ANKS6: variants seen among roughly 807,000 people sequenced by gnomAD.
The protein encoded by ANKS6 is ankyrin repeat and sterile alpha motif domain containing 6.
A neutral mutation model predicts 77.9 loss-of-function variants in ANKS6; 47 were observed. The observed-to-expected ratio is 0.60, with a 90% CI of 0.48 to 0.77. The LOEUF (loss-of-function observed/expected upper bound fraction) is 0.77. ANKS6 is among the 30% of genes least tolerant of loss of function. The pLI is 0.00. For missense variants in ANKS6, 1,150 were observed against 1,159.1 expected (o/e 0.99, Z 0.11); for synonymous variants, 488 against 501.7 (o/e 0.97, Z 0.37).
chr9:98,756,953 A>G, intron 11 of ANKS6, among the ~76,000 whole-genome samples: 1 of 151,896 alleles, frequency 6.6e-6, no homozygotes. Context: ...GCCTCAGTTA[A>G]CCAGCTGTAA....
At chr9:98,796,009 AC>A in intron 1 of ANKS6, 123 bp downstream of exon 1, 1 of 935,406 alleles carries the variant, frequency 1.1e-6, no homozygotes, top group Non-Finnish European at 1.4e-6. Flanking sequence ...CTCAAAGTTT[AC>A]CATTCCAACT....
intron 9 of ANKS6, among the ~76,000 whole-genome samples, 163 bp downstream of exon 9, chr9:98,773,714 T>C (rs779714171): frequency 2.6e-5 from 4 of 152,156 alleles, no homozygotes; most frequent in Non-Finnish European, 4.4e-5. Context: ...CATACTGAGT[T>C]GCTCTGTAGG....
intron 8 of ANKS6, among the ~76,000 whole-genome samples, chr9:98,774,959 C>T (rs1833847911): frequency 6.6e-6 from 1 of 152,232 alleles, no homozygotes; most frequent in African/African-American, 2.4e-5. Context: ...CCGGGCCACC[C>T]CACCCATTAT....
chr9:98,749,748 G>C (rs1361161433), intron 13 of ANKS6, among the ~76,000 whole-genome samples: 1 of 152,226 alleles, frequency 6.6e-6, no homozygotes, highest in African/African-American at 2.4e-5. Context: ...AGGAATGGCA[G>C]ACTGTATATG....
At chr9:98,764,001 C>T (rs973424057) in intron 11 of ANKS6, among the ~76,000 whole-genome samples, 27 of 152,052 alleles carry the variant, frequency 1.8e-4, no homozygotes, top group Admixed American at 6.6e-5. Context: ...AAAGAGAAAA[C>T]GGCAGGCCCA....
chr9:98,781,893 C>A lies in ANKS6; in HGVS notation c.1219+574G>T, dbSNP rs373333611. 2.4e-4 allele frequency among the ~76,000 whole-genome samples: 36 copies of A among 152,282 alleles called. 1 individual carries two copies. In the South Asian group the frequency reaches 7.5e-3, roughly 32 times the overall value. On this transcript the variant is annotated intron_variant, in intron 5 of 14. Coordinates refer to ENST00000353234, the MANE Select transcript of ANKS6 (RefSeq NM_173551.5). Reference sequence around the variant, plus strand: ...ATAAGAAAGACGACAGATCAGAGACCTTTCCCCTTGAGCTGGCTAACTGGA... The same window carrying A: ...ATAAGAAAGACGACAGATCAGAGACATTTCCCCTTGAGCTGGCTAACTGGA...
chr9:98,771,076 G>C (rs771923965), intron 9 of ANKS6, 30 bp from the exon 10 acceptor site: 1 of 1,481,300 alleles, frequency 6.8e-7, no homozygotes. Flanking sequence ...GCAGCACTTA[G>C]GGAGGCTGCT....
At chr9:98,767,945 C>T (rs1015197624) in intron 11 of ANKS6, 136 bp downstream of exon 11, 3 of 1,246,508 alleles carry the variant, frequency 2.4e-6, no homozygotes, top group Admixed American at 2.6e-5. Context: ...TCATGCAGCC[C>T]AGGAGTGGCT....
Position 98,768,077 on chromosome 9 carries a change from G to A in ANKS6, c.2142+4C>T. ...AACAGGAGGAGGCCACACAAAACAAGCACCTTGCCAACAGGAGCGCTGCCA... is the reference window on the plus strand; with the variant it reads ...AACAGGAGGAGGCCACACAAAACAAACACCTTGCCAACAGGAGCGCTGCCA... On this transcript the variant is annotated splice_donor_region_variant and intron_variant, in intron 11 of 14. Coordinates refer to ENST00000353234, the MANE Select transcript of ANKS6 (RefSeq NM_173551.5). 2 of 1,603,302 alleles carry A rather than the reference G, an allele frequency of 1.2e-6. No individual in the cohort carries two copies. The highest frequency in any genetic ancestry group is 1.1e-5 in the South Asian group (1 of 89,726).
intron 9 of ANKS6, 82 bp downstream of exon 9, chr9:98,773,795 T>G: frequency 1.5e-6 from 2 of 1,298,270 alleles, no homozygotes; most frequent in Non-Finnish European, 2.0e-6. Context: ...GATTCGTCGG[T>G]TTGAGGTCCC....
intron 2 of ANKS6, among the ~76,000 whole-genome samples, chr9:98,786,020 C>T (rs1390218814): frequency 6.6e-6 from 1 of 152,198 alleles, no homozygotes; most frequent in Admixed American, 6.5e-5. Context: ...GCTCTGTCAC[C>T]CAGGCTGGAG....
chr9:98,766,785 C>T (rs1244567924), intron 11 of ANKS6, among the ~76,000 whole-genome samples: 8 of 152,138 alleles, frequency 5.3e-5, no homozygotes, highest in Non-Finnish European at 8.8e-5. Context: ...TCATACAGTA[C>T]ATGTACATCC....
chr9:98,736,700 T>C (rs1831520202), intron 14 of ANKS6, 77 bp from the exon 15 acceptor site: 1 of 1,504,602 alleles, frequency 6.6e-7, no homozygotes, highest in Non-Finnish European at 9.0e-7. Flanking sequence ...CACAGTGTTG[T>C]TAATGTTCAA....
At chr9:98,744,542 T>C (rs1832017298) in intron 14 of ANKS6, among the ~76,000 whole-genome samples, 1 of 152,212 alleles carries the variant, frequency 6.6e-6, no homozygotes, top group Non-Finnish European at 1.5e-5. Context: ...TATGCAGTGA[T>C]TTGTAGATGA....
intron 14 of ANKS6, among the ~76,000 whole-genome samples, chr9:98,740,677 T>C (rs999873023): frequency 1.1e-4 from 17 of 152,190 alleles, no homozygotes; most frequent in African/African-American, 3.9e-4. Flanking sequence ...GAGGGAGCTG[T>C]AGATGATTAA....
chr9:98,746,898 G>T (rs1457249379), intron 13 of ANKS6, among the ~76,000 whole-genome samples: 2 of 152,218 alleles, frequency 1.3e-5, no homozygotes, highest in Non-Finnish European at 2.9e-5. Flanking sequence ...CTGGGAGATG[G>T]GACAAAGAAC....
intron 1 of ANKS6, among the ~76,000 whole-genome samples, chr9:98,792,386 C>T (rs963887649): frequency 6.6e-6 from 1 of 152,192 alleles, no homozygotes; most frequent in Non-Finnish European, 1.5e-5. Flanking sequence ...TATTCAGTGG[C>T]AGGCTCTCCA....
In ANKS6 at chr9:98,756,527, G is replaced by A. The variant is rs996054864; in HGVS notation, c.2219C>T (p.Ser740Phe). The change falls in exon 12 of 15, where the codon TCC becomes TTC. Residue 740 changes from serine (S) to phenylalanine (F), a missense_variant. By Grantham distance (155) the Ser-to-Phe change is radical. Coordinates refer to ENST00000353234, the MANE Select transcript of ANKS6 (RefSeq NM_173551.5). Reference protein sequence around the residue: ...SKSTSPTLTPSPSPKGHTAES... With the variant: ...SKSTSPTLTPFPSPKGHTAES... ...TGCAGTGTGCCCTTTGGGTGAGGGG[G>A]AGGGCGTGAGGGTTGGAGAGGTGCT... 3.1e-6 allele frequency: 5 copies of A among 1,604,072 alleles called. No homozygotes were observed. The African/African-American group carries it at 6.7e-5, about 22-fold the overall frequency.
chr9:98,781,146 C>A (rs993501367), intron 5 of ANKS6, among the ~76,000 whole-genome samples: 2 of 152,176 alleles, frequency 1.3e-5, no homozygotes, highest in Non-Finnish European at 2.9e-5. Context: ...GTGATCGACC[C>A]ACCTCAGCCT....
Sources: gnomAD v4.1 joint callset for allele counts (sites outside exome capture counted in the v4.1 genomes callset) on GRCh38, gnomAD v4.1.1 for gene constraint, MANE v1.5 for transcripts, NCBI Gene and HGNC (gene_info 2026-07-23, HGNC 2026-07-21) for gene names.